GABRA2: variants seen among roughly 807,000 people sequenced by gnomAD.
GABRA2 encodes the protein gamma-aminobutyric acid type A receptor subunit alpha2, also known as gamma-aminobutyric acid receptor subunit alpha-2.
A neutral mutation model predicts 48.7 loss-of-function variants in GABRA2; 16 were observed. The observed-to-expected ratio is 0.33, with a 90% confidence interval of 0.22 to 0.50. GABRA2 has a LOEUF of 0.50. GABRA2 is among the 20% of genes least tolerant of loss of function. The pLI, the probability that GABRA2 is intolerant of heterozygous loss-of-function variation, is 0.98. For synonymous variants in GABRA2, 185 were observed against 184.5 expected (o/e 1.00, Z -0.02); for missense variants, 275 against 535.6 (o/e 0.51, Z 4.80).
At chr4:46,371,377 A>T (rs1714865045) in intron 3 of GABRA2, among the ~76,000 whole-genome samples, 1 of 152,130 alleles carries the variant, frequency 6.6e-6, no homozygotes, top group Admixed American at 6.6e-5. Flanking sequence ...TATGTGTGGT[A>T]ATTTTTTACC....
intron 8 of GABRA2, among the ~76,000 whole-genome samples, chr4:46,301,082 GTCT>G (rs1316028549): frequency 3.3e-5 from 5 of 152,038 alleles, no homozygotes; most frequent in Non-Finnish European, 7.4e-5. Flanking sequence ...ACAATGTATT[GTCT>G]TCTTAAAATT....
At chr4:46,288,899 A>G (rs1302757066) in intron 8 of GABRA2, among the ~76,000 whole-genome samples, 1 of 151,026 alleles carries the variant, frequency 6.6e-6, no homozygotes, top group Non-Finnish European at 1.5e-5. Context: ...GACAAAAAAC[A>G]TGAACAGACA....
At chr4:46,389,559 G>A in intron 1 of GABRA2, 176 bp downstream of exon 1, 5 of 410,302 alleles carry the variant, frequency 1.2e-5, no homozygotes, top group Non-Finnish European at 1.6e-5. Context: ...ATATGCTTCT[G>A]GTGATAAGTA....
At chr4:46,337,471 G>A (rs191411589) in intron 3 of GABRA2, among the ~76,000 whole-genome samples, 60 of 152,042 alleles carry the variant, frequency 3.9e-4, no homozygotes, top group Admixed American at 2.1e-3. Context: ...ACAATAATAC[G>A]AATGTTGTCT....
At chr4:46,287,239 A>G (rs113857808) in intron 8 of GABRA2, among the ~76,000 whole-genome samples, 1,770 of 152,158 alleles carry the variant, frequency 0.012, 38 homozygotes, top group African/African-American at 0.041. Flanking sequence ...AATAATTCTA[A>G]CAACCCTGTT....
chr4:46,255,272 C>T (rs1715582481), intron 9 of GABRA2, among the ~76,000 whole-genome samples: 1 of 107,058 alleles, frequency 9.3e-6, no homozygotes, highest in African/African-American at 4.2e-5. Flanking sequence ...GTATATATAA[C>T]ATATAAAGTG....
chr4:46,265,453 T>C (rs1354978020), intron 8 of GABRA2, among the ~76,000 whole-genome samples: 4 of 133,912 alleles, frequency 3.0e-5, no homozygotes, highest in Non-Finnish European at 6.2e-5. Flanking sequence ...ATTGTGTATA[T>C]ATATAATATA....
chr4:46,388,753 TA>T, intron 1 of GABRA2, 37 bp from the exon 2 acceptor site: 2 of 1,612,564 alleles, frequency 1.2e-6, no homozygotes, highest in Non-Finnish European at 1.7e-6. Context: ...AAAATACACT[TA>T]AAATTGCCTT....
At chr4:46,311,981 A>G (rs1190001263) in intron 5 of GABRA2, among the ~76,000 whole-genome samples, 7 of 152,084 alleles carry the variant, frequency 4.6e-5, no homozygotes, top group Admixed American at 3.9e-4. Context: ...TGCCTGTAGT[A>G]TCAGCTACTT....
At chr4:46,340,560 G>T (rs1733044020) in intron 3 of GABRA2, among the ~76,000 whole-genome samples, 1 of 151,962 alleles carries the variant, frequency 6.6e-6, no homozygotes, top group Admixed American at 6.6e-5. Context: ...CTATGCAGAT[G>T]ATCATGAAGC....
intron 9 of GABRA2, among the ~76,000 whole-genome samples, chr4:46,257,042 T>C (rs573807622): frequency 2.3e-4 from 35 of 151,774 alleles, no homozygotes; most frequent in African/African-American, 8.2e-4. Context: ...CAATAAGATA[T>C]GTACTAAATA....
At chr4:46,291,151 A>T (rs547204131) in intron 8 of GABRA2, among the ~76,000 whole-genome samples, 2 of 152,328 alleles carry the variant, frequency 1.3e-5, no homozygotes, top group South Asian at 4.1e-4. Context: ...TTTGGAGATG[A>T]TTGGTGTTAA....
intron 8 of GABRA2, among the ~76,000 whole-genome samples, chr4:46,272,684 T>C (rs1719567688): frequency 6.6e-6 from 1 of 151,658 alleles, no homozygotes; most frequent in African/African-American, 2.4e-5. Context: ...GGAAAAATAA[T>C]CCTAAACTAG....
chr4:46,251,982 C>T (rs1390222000), intron 9 of GABRA2, among the ~76,000 whole-genome samples: 1 of 151,434 alleles, frequency 6.6e-6, no homozygotes, highest in Non-Finnish European at 1.5e-5. Context: ...TAAATTGAGA[C>T]AGCAGTGAAT....
intron 3 of GABRA2, among the ~76,000 whole-genome samples, chr4:46,346,916 A>T (rs186274559): frequency 1.4e-4 from 22 of 152,048 alleles, no homozygotes; most frequent in Non-Finnish European, 2.7e-4. Context: ...AGAGCTGATA[A>T]ATTAATTAAA....
At chr4:46,378,475 G>T (rs1424620102) in intron 3 of GABRA2, among the ~76,000 whole-genome samples, 1 of 151,232 alleles carries the variant, frequency 6.6e-6, no homozygotes, top group African/African-American at 2.4e-5. Context: ...CTCGTTAAGA[G>T]TCATCACCAC....
chr4:46,347,846 C>A (rs914066972), intron 3 of GABRA2, among the ~76,000 whole-genome samples: 1 of 151,588 alleles, frequency 6.6e-6, no homozygotes, highest in Non-Finnish European at 1.5e-5. Context: ...AATCATAAGT[C>A]AGGTAAGAAG....
At position 46,326,875 on chromosome 4, in the gene GABRA2, C is replaced by T. The variant is rs540760790; in HGVS notation, c.255+5740G>A. 1.2e-4 allele frequency among the ~76,000 whole-genome samples: 18 copies of T among 152,028 alleles called. No individual in the cohort carries two copies. The South Asian group carries it at 2.1e-3, about 18-fold the overall frequency. ...CCCCGAGCAACAGAACAAAGACAAACAAAACTTTTCCTGCTGTGTTCCATA... is the reference window on the plus strand; with the variant it reads ...CCCCGAGCAACAGAACAAAGACAAATAAAACTTTTCCTGCTGTGTTCCATA... On this transcript the variant is annotated intron_variant, in intron 4 of 9. Coordinates refer to ENST00000381620, the MANE Select transcript of GABRA2 (RefSeq NM_000807.4).
intron 3 of GABRA2, among the ~76,000 whole-genome samples, chr4:46,336,933 GA>G (rs1732335710): frequency 1.3e-5 from 2 of 151,980 alleles, no homozygotes; most frequent in Non-Finnish European, 2.9e-5. Context: ...ATAATTTCAA[GA>G]AGTATTTAAT....
Sources: gnomAD v4.1 joint callset for allele counts (sites outside exome capture counted in the v4.1 genomes callset) on GRCh38, gnomAD v4.1.1 for gene constraint, MANE v1.5 for transcripts, NCBI Gene and HGNC (gene_info 2026-07-23, HGNC 2026-07-21) for gene names.